The following PTPRN2 variants were observed in gnomAD, a reference collection of about 807,000 sequenced individuals.
PTPRN2 encodes the protein receptor-type tyrosine-protein phosphatase N2.
A neutral mutation model predicts 118.8 loss-of-function variants in PTPRN2; 74 were observed. That is an observed-to-expected ratio of 0.62 (90% confidence interval 0.52 to 0.76). The LOEUF (loss-of-function observed/expected upper bound fraction) is 0.76, where lower values mean the gene tolerates loss of function less well. PTPRN2 is among the 30% of genes least tolerant of loss of function. The pLI, the probability that PTPRN2 is intolerant of heterozygous loss-of-function variation, is 0.00. For synonymous variants in PTPRN2, 641 were observed against 608.0 expected (o/e 1.05, Z -0.80); for missense variants, 1,481 against 1,394.4 (o/e 1.06, Z -0.99).
At chr7:157,871,053 C>T (rs1811017007) in intron 12 of PTPRN2, among the ~76,000 whole-genome samples, 1 of 152,220 alleles carries the variant, frequency 6.6e-6, no homozygotes, top group Non-Finnish European at 1.5e-5. Flanking sequence ...CCATGAGCTG[C>T]ACAGCTGGGG....
chr7:157,597,548 C>G (rs909854735), intron 16 of PTPRN2, among the ~76,000 whole-genome samples: 6 of 151,934 alleles, frequency 3.9e-5, no homozygotes, highest in Non-Finnish European at 7.4e-5. Flanking sequence ...CATGTTCAAA[C>G]TAGCACATTT....
intron 3 of PTPRN2, among the ~76,000 whole-genome samples, chr7:158,282,193 T>C (rs1042966211): frequency 2.0e-5 from 3 of 151,006 alleles, no homozygotes; most frequent in African/African-American, 7.3e-5. Context: ...TTTTTTTTTT[T>C]CCTTTCTATT....
In PTPRN2 at chr7:157,670,944, A is replaced by G. The variant is rs186844070; in HGVS notation, c.2001+11781T>C. 7.2e-5 allele frequency among the ~76,000 whole-genome samples: 11 copies of G among 152,086 alleles called. No homozygotes were observed. In the East Asian group the frequency reaches 2.1e-3, roughly 29 times the overall value. On this transcript the variant is annotated intron_variant, in intron 13 of 22. Coordinates refer to ENST00000389418, the MANE Select transcript of PTPRN2 (RefSeq NM_002847.5). ...TACAAGAAACTTTTGCACCTTCCTAATTTTCTTTTTGCTCAGAATAAGGGC... is the reference window on the plus strand; with the variant it reads ...TACAAGAAACTTTTGCACCTTCCTAGTTTTCTTTTTGCTCAGAATAAGGGC...
rs201048019 is a variant in PTPRN2, at chr7:158,167,026, G to C, written c.815C>G (p.Pro272Arg). 6.3e-5 allele frequency: 95 copies of C among 1,512,842 alleles called. No individual in the cohort carries two copies. Among genetic ancestry groups the C allele is most frequent in the Non-Finnish European group, 3.5e-6 (4 of 1,128,866 alleles). 93.7% of individuals were successfully genotyped at this position (1,512,842 alleles called of 1,614,324 possible). Residue 272 changes from proline (P) to arginine (R), a missense_variant, in exon 6 of 23, where the codon CCC (proline) becomes CGC (arginine). This residue lies in a region of PTPRN2 where 1,115 missense variants were observed against 994.2 expected (regional missense o/e 1.12). Transcript: ENST00000389418. ...CAGCAAAGGCCTGGGCATTCTTGAG[G>C]GTGCACGCAGAAGGTACTGTGGCTC... Reference protein sequence around the residue: ...SLEPQYLLRAPSRMPRPLLAP... With the variant: ...SLEPQYLLRARSRMPRPLLAP...
At chr7:158,201,953 T>C (rs935461918) in intron 4 of PTPRN2, among the ~76,000 whole-genome samples, 3 of 152,234 alleles carry the variant, frequency 2.0e-5, no homozygotes. Flanking sequence ...TCACGGGCTA[T>C]GGCCACTCAT....
chr7:158,104,107 C>T (rs1425403196), intron 10 of PTPRN2, among the ~76,000 whole-genome samples: 5 of 152,116 alleles, frequency 3.3e-5, no homozygotes, highest in South Asian at 2.1e-4. Flanking sequence ...ATGATCCACC[C>T]GCCTCAGCCT....
At chr7:158,370,599 T>A (rs4909075) in intron 2 of PTPRN2, among the ~76,000 whole-genome samples, 121,523 of 151,928 alleles carry the variant, frequency 0.8, 48,962 homozygotes, top group East Asian at 0.99. Context: ...AAAAATACAA[T>A]AAATTAGCTG....
intron 12 of PTPRN2, among the ~76,000 whole-genome samples, chr7:157,849,357 C>T (rs750654943): frequency 7.9e-5 from 12 of 152,282 alleles, no homozygotes; most frequent in East Asian, 5.8e-4. Context: ...TCAGACACTA[C>T]GGGGCCGAGG....
At chr7:158,496,231 T>TCCCC (rs1821836903) in intron 1 of PTPRN2, among the ~76,000 whole-genome samples, 1 of 47,928 alleles carries the variant, frequency 2.1e-5, no homozygotes, top group African/African-American at 8.1e-5. Flanking sequence ...CCCTTCAGCC[T>TCCCC]TCCCTCCCCT....
At chr7:157,685,344 G>A (rs1484148051) in intron 12 of PTPRN2, among the ~76,000 whole-genome samples, 1 of 152,022 alleles carries the variant, frequency 6.6e-6, no homozygotes, top group African/African-American at 2.4e-5. Context: ...TTCCTGCCCC[G>A]CGCCGTGAGG....
intron 12 of PTPRN2, among the ~76,000 whole-genome samples, chr7:157,746,490 G>T (rs975736045): frequency 6.9e-6 from 1 of 144,314 alleles, no homozygotes; most frequent in African/African-American, 2.6e-5. Context: ...AGGAGATCAC[G>T]GGACTCCCTG....
At chr7:158,440,366 T>C (rs1318193309) in intron 2 of PTPRN2, among the ~76,000 whole-genome samples, 1 of 152,184 alleles carries the variant, frequency 6.6e-6, no homozygotes, top group Non-Finnish European at 1.5e-5. Flanking sequence ...CTAGCACAGC[T>C]TCAGGCAGAC....
chr7:157,965,089 T>A (rs73745043), intron 11 of PTPRN2, among the ~76,000 whole-genome samples: 1 of 152,006 alleles, frequency 6.6e-6, no homozygotes, highest in Non-Finnish European at 1.5e-5. Context: ...AAGAAAGGGA[T>A]CTCCAGACAG....
intron 11 of PTPRN2, among the ~76,000 whole-genome samples, chr7:158,007,538 G>A (rs185923594): frequency 1.8e-4 from 28 of 152,342 alleles, no homozygotes; most frequent in African/African-American, 6.3e-4. Flanking sequence ...CCCACAGGGA[G>A]CAGAGAGCGG....
chr7:158,223,651 AG>A (rs1447235035), intron 3 of PTPRN2, among the ~76,000 whole-genome samples: 3 of 152,138 alleles, frequency 2.0e-5, no homozygotes, highest in African/African-American at 7.2e-5. Context: ...ATAGAAATCA[AG>A]GGGCACTTTA....
At chr7:158,071,356 TG>T (rs1811528925) in intron 11 of PTPRN2, among the ~76,000 whole-genome samples, 1 of 112,966 alleles carries the variant, frequency 8.9e-6, no homozygotes. Context: ...CTCGTGGTGG[TG>T]GAGGTGCTCA....
At chr7:158,317,077 C>A in intron 2 of PTPRN2, 145 bp from the exon 3 acceptor site, 2 of 568,276 alleles carry the variant, frequency 3.5e-6, no homozygotes, top group Non-Finnish European at 3.0e-6. Flanking sequence ...CTGTTAGGAC[C>A]CGGGAGCACC....
chr7:158,044,490 A>G (rs1808698039), intron 11 of PTPRN2, among the ~76,000 whole-genome samples: 1 of 152,196 alleles, frequency 6.6e-6, no homozygotes, highest in Non-Finnish European at 1.5e-5. Flanking sequence ...AGCTTGGTCT[A>G]AATTATCTGC....
intron 1 of PTPRN2, chr7:158,539,802 C>A (rs967916836): frequency 2.1e-5 from 5 of 243,346 alleles, no homozygotes; most frequent in Non-Finnish European, 3.2e-5. Flanking sequence ...CGGCTGGGGA[C>A]ATACTGTGAG....
Sources: allele counts gnomAD v4.1 joint callset (sites outside exome capture counted in the v4.1 genomes callset), GRCh38; gene constraint gnomAD v4.1.1; regional missense constraint gnomAD v4.1.1; transcripts MANE v1.5; gene names NCBI Gene and HGNC (gene_info 2026-07-23, HGNC 2026-07-21).